Variants in HPCAL1 observed in about 807,000 individuals in gnomAD.
HPCAL1 encodes hippocalcin like 1.
A neutral mutation model predicts 17.1 loss-of-function variants in HPCAL1; 8 were observed. The ratio of observed to expected loss-of-function variants is 0.47; its 90% CI spans 0.27 to 0.84. HPCAL1 has a LOEUF of 0.84. Ranked by LOEUF, HPCAL1 falls within the 40% of genes least tolerant of loss-of-function variation. The pLI, the probability that HPCAL1 is intolerant of heterozygous loss-of-function variation, is 0.13. For synonymous variants in HPCAL1, 112 were observed against 111.4 expected (o/e 1.01, Z -0.03); for missense variants, 165 against 271.1 (o/e 0.61, Z 2.75).
intron 1 of HPCAL1, among the ~76,000 whole-genome samples, chr2:10,327,978 G>A (rs145852220): frequency 6.6e-6 from 1 of 152,314 alleles, no homozygotes; most frequent in African/African-American, 2.4e-5. Flanking sequence ...TTTAGTAAGT[G>A]TAAAAGACTT....
At chr2:10,407,628 G>A (rs1670054012) in intron 2 of HPCAL1, among the ~76,000 whole-genome samples, 1 of 152,190 alleles carries the variant, frequency 6.6e-6, no homozygotes, top group Admixed American at 6.5e-5. Context: ...GAGGGTGAGG[G>A]TGGATGCTCT....
chr2:10,328,946 C>G (rs1664184599), intron 1 of HPCAL1, among the ~76,000 whole-genome samples: 1 of 151,842 alleles, frequency 6.6e-6, no homozygotes, highest in African/African-American at 2.4e-5. Context: ...CTTTAAATGC[C>G]TGTAAGCTGT....
intron 1 of HPCAL1, among the ~76,000 whole-genome samples, chr2:10,357,985 G>A (rs1375027601): frequency 6.6e-6 from 1 of 152,234 alleles, no homozygotes; most frequent in Admixed American, 6.5e-5. Flanking sequence ...CAGCCCCAGG[G>A]CTGAAACCCC....
intron 2 of HPCAL1, among the ~76,000 whole-genome samples, chr2:10,405,432 G>A (rs904230393): frequency 3.3e-5 from 5 of 152,232 alleles, no homozygotes; most frequent in Admixed American, 6.5e-5. Context: ...CCTCCAGGGC[G>A]TGCTGGGTGC....
intron 1 of HPCAL1, among the ~76,000 whole-genome samples, chr2:10,327,943 G>A (rs778054641): frequency 6.6e-6 from 1 of 152,262 alleles, no homozygotes; most frequent in Non-Finnish European, 1.5e-5. Context: ...TATATCAGAA[G>A]CTTCATGTAT....
At chr2:10,405,223 G>A (rs6712864) in intron 2 of HPCAL1, among the ~76,000 whole-genome samples, 2,678 of 152,308 alleles carry the variant, frequency 0.018, 93 homozygotes, top group African/African-American at 0.062. Flanking sequence ...CTGGGTCTGC[G>A]GGCTGCTCCC....
At position 10,384,308 on chromosome 2, in the gene HPCAL1, T is replaced by C. The variant is rs1386065918; in HGVS notation, c.-110-12527T>C. ...AGTGGTGTTCTTGCAAAATACCCCT[T>C]GTGGGAGGAGAGGGGTGGAGGGAGA... On this transcript the variant is annotated intron_variant, in intron 1 of 4. Transcript: ENST00000307845. This position sits in a 1 kb window ranked among gnomAD's most constrained non-coding sequence, Gnocchi z 4.4. Among the ~76,000 whole-genome samples, 1 of 152,040 alleles carries C rather than the reference T, an allele frequency of 6.6e-6. No homozygotes were observed. Among genetic ancestry groups the C allele is most frequent in the African/African-American group, 2.4e-5 (1 of 41,384 alleles).
In HPCAL1 at chr2:10,412,251, G is replaced by A. The variant is rs535092290; in HGVS notation, c.-24-7483G>A. ...GAGGGAATCAAGGACTCACAGCAAA[G>A]GCATCATGGTGTGCAGGGAACGACT... On this transcript the variant is annotated intron_variant, in intron 2 of 4. Transcript: ENST00000307845. Among the ~76,000 whole-genome samples the A allele has an allele frequency of 2.6e-5, 4 of 152,356 alleles. No homozygotes were observed. The East Asian group carries it at 7.7e-4, about 29-fold the overall frequency.
chr2:10,390,095 C>T (rs1487061083), intron 1 of HPCAL1, among the ~76,000 whole-genome samples: 1 of 152,226 alleles, frequency 6.6e-6, no homozygotes. Context: ...CCCTGCCAGT[C>T]AGTTCCCAGT....
chr2:10,372,657 C>T (rs998904740), intron 1 of HPCAL1, among the ~76,000 whole-genome samples: 1 of 152,238 alleles, frequency 6.6e-6, no homozygotes, highest in Non-Finnish European at 1.5e-5. Flanking sequence ...AGAGCTCTTC[C>T]TCCCTGCCTG....
At chr2:10,426,520 T>C (rs1671416658) in intron 4 of HPCAL1, 1 of 563,176 alleles carries the variant, frequency 1.8e-6, no homozygotes, top group Non-Finnish European at 3.2e-6. Context: ...GTACCTGATG[T>C]ATTGCAGGGA....
intron 1 of HPCAL1, among the ~76,000 whole-genome samples, chr2:10,335,580 C>T (rs77216765): frequency 0.11 from 16,210 of 152,236 alleles, 1,102 homozygotes; most frequent in South Asian, 0.24. Context: ...ATTTGTTACA[C>T]GGTAACAGAT....
At position 10,321,954 on chromosome 2, in the gene HPCAL1, T is replaced by G. The variant is rs190312768; in HGVS notation, c.-111+18777T>G. On this transcript the variant is annotated intron_variant, in intron 1 of 4. Coordinates refer to ENST00000307845, the MANE Select transcript of HPCAL1 (RefSeq NM_002149.4). ...AGTTTTTTTTGTACAAGCGTGCAAGTTTTTTGTGGATGTATGTTTTCATTT... is the reference window on the plus strand; with the variant it reads ...AGTTTTTTTTGTACAAGCGTGCAAGGTTTTTGTGGATGTATGTTTTCATTT... Among the ~76,000 whole-genome samples the G allele has an allele frequency of 3.0e-4, 46 of 152,300 alleles. No homozygotes were observed. In the East Asian group the frequency reaches 7.1e-3, roughly 24 times the overall value.
intron 1 of HPCAL1, among the ~76,000 whole-genome samples, chr2:10,311,775 A>G (rs1319421214): frequency 7.2e-5 from 11 of 152,100 alleles, no homozygotes; most frequent in African/African-American, 2.7e-4. Flanking sequence ...CATTATCATT[A>G]TCACTATCAT....
At chr2:10,353,051 A>G (rs1025220297) in intron 1 of HPCAL1, among the ~76,000 whole-genome samples, 10 of 152,206 alleles carry the variant, frequency 6.6e-5, no homozygotes, top group Non-Finnish European at 1.2e-4. Flanking sequence ...GGTTAGGGTA[A>G]GGGAAGAATG....
At chr2:10,399,430 C>T (rs1268847287) in intron 2 of HPCAL1, among the ~76,000 whole-genome samples, 2 of 102,384 alleles carry the variant, frequency 2.0e-5, no homozygotes, top group South Asian at 3.6e-4. Context: ...ACCATCACCA[C>T]CACCACCACC....
At chr2:10,426,590 C>T (rs1192522146) in intron 4 of HPCAL1, 134 bp from the exon 5 acceptor site, 4 of 731,180 alleles carry the variant, frequency 5.5e-6, no homozygotes, top group Non-Finnish European at 9.8e-6. Context: ...GGAGACTAGA[C>T]ACCGTCCAGC....
intron 4 of HPCAL1, 185 bp from the exon 5 acceptor site, chr2:10,426,539 A>G: frequency 3.3e-6 from 2 of 601,954 alleles, no homozygotes; most frequent in Non-Finnish European, 6.0e-6. Flanking sequence ...GAGCAGGGAA[A>G]GGAAAAAGGA....
chr2:10,423,374 T>C (rs1671191676), intron 4 of HPCAL1: 1 of 364,052 alleles, frequency 2.7e-6, no homozygotes, highest in African/African-American at 2.1e-5. Flanking sequence ...TTCCCGTGGG[T>C]ACAATGTTTA....
Sources: allele counts gnomAD v4.1 joint callset (sites outside exome capture counted in the v4.1 genomes callset), GRCh38; gene constraint gnomAD v4.1.1; non-coding constraint Gnocchi (gnomAD v3.1); transcripts MANE v1.5; gene names NCBI Gene and HGNC (gene_info 2026-07-23, HGNC 2026-07-21).